AK5: variants seen among roughly 807,000 people sequenced by gnomAD.
AK5 encodes the protein adenylate kinase 5, also known as adenylate kinase isoenzyme 5.
In AK5, 27 loss-of-function variants were observed where a neutral mutation model predicts 69.5. The ratio of observed to expected loss-of-function variants is 0.39; its 90% confidence interval spans 0.29 to 0.54. AK5 has a LOEUF of 0.54. Among genes scored for constraint, AK5 ranks in the 20% least tolerant of loss-of-function variants. AK5 has a pLI of 0.71. For missense variants in AK5, 531 were observed against 700.4 expected (o/e 0.76, Z 2.73); for synonymous variants, 260 against 244.4 (o/e 1.06, Z -0.60).
At chr1:77,440,930 G>A (rs1652286266) in intron 8 of AK5, among the ~76,000 whole-genome samples, 1 of 152,090 alleles carries the variant, frequency 6.6e-6, no homozygotes, top group African/African-American at 2.4e-5. Flanking sequence ...TGTATTTTTA[G>A]TAGAGACGGG....
chr1:77,445,040 G>T (rs560356740), intron 8 of AK5, among the ~76,000 whole-genome samples: 6 of 152,158 alleles, frequency 3.9e-5, no homozygotes, highest in African/African-American at 1.4e-4. Flanking sequence ...TATTCTATTG[G>T]TATATCTAGA....
At chr1:77,470,875 ATT>A (rs149758544) in intron 8 of AK5, among the ~76,000 whole-genome samples, 11 of 74,966 alleles carry the variant, frequency 1.5e-4, no homozygotes, top group African/African-American at 4.0e-4. Context: ...ATATATATAT[ATT>A]TTTTTTTTTT....
chr1:77,302,516 A>C (rs1170855657), intron 5 of AK5, among the ~76,000 whole-genome samples: 1 of 152,158 alleles, frequency 6.6e-6, no homozygotes, highest in Non-Finnish European at 1.5e-5. Flanking sequence ...AATTAGCTTC[A>C]GGCCATCTAA....
intron 10 of AK5, among the ~76,000 whole-genome samples, chr1:77,489,910 C>T (rs1251573140): frequency 6.6e-6 from 1 of 152,128 alleles, no homozygotes; most frequent in East Asian, 1.9e-4. Flanking sequence ...TTTGCCAGCC[C>T]TTTCACTTGA....
intron 1 of AK5, chr1:77,283,542 A>C: frequency 1.0e-5 from 10 of 985,398 alleles, no homozygotes; most frequent in Non-Finnish European, 1.2e-5. Flanking sequence ...GGTTGCCATA[A>C]TTACAGGTCT....
intron 13 of AK5, among the ~76,000 whole-genome samples, chr1:77,550,724 C>T (rs115893544): frequency 1.4e-3 from 207 of 152,318 alleles, no homozygotes; most frequent in African/African-American, 4.8e-3. Context: ...CACTTATTCT[C>T]TTAAAATACT....
At position 77,367,551 on chromosome 1, in the gene AK5, T is replaced by TTTTATATATATATATATA. The variant is rs1553139653; in HGVS notation, c.891+26984_891+26985insTTATATATATATATATAT. ...CCTATGTTGCCCAGACTCATTTATGTTATTTTTATATATATATATATATAT... is the reference window on the plus strand; with the variant it reads ...CCTATGTTGCCCAGACTCATTTATGTTTTATATATATATATATATATTTTTATATATATATATATATAT... On this transcript the variant is annotated intron_variant, in intron 6 of 13. Transcript: ENST00000354567. Among the ~76,000 whole-genome samples the TTTTATATATATATATATA allele has an allele frequency of 4.6e-4, 9 of 19,706 alleles. 1 individual carries two copies. The highest frequency in any genetic ancestry group is 1.6e-3 in the Admixed American group (2 of 1,262). 12.9% of individuals were successfully genotyped at this position (19,706 alleles called of 152,430 possible).
At chr1:77,515,783 G>A (rs1657611162) in intron 10 of AK5, among the ~76,000 whole-genome samples, 1 of 152,186 alleles carries the variant, frequency 6.6e-6, no homozygotes, top group South Asian at 2.1e-4. Flanking sequence ...GGGCACAGTG[G>A]CTCAGGCCTG....
chr1:77,554,572 T>C (rs1659978112), intron 13 of AK5, among the ~76,000 whole-genome samples: 1 of 152,074 alleles, frequency 6.6e-6, no homozygotes, highest in Admixed American at 6.5e-5. Context: ...CTTCAACCTT[T>C]CTGCAGTTTT....
intron 3 of AK5, 70 bp downstream of exon 3, chr1:77,294,030 G>A: frequency 6.3e-6 from 9 of 1,435,770 alleles, no homozygotes; most frequent in Non-Finnish European, 8.5e-6. Flanking sequence ...TTTCAAAAAA[G>A]TAAATCATAT....
chr1:77,349,115 ATAT>A (rs948246873), intron 6 of AK5, among the ~76,000 whole-genome samples: 4 of 152,192 alleles, frequency 2.6e-5, no homozygotes, highest in African/African-American at 9.6e-5. Context: ...ATACAACAAA[ATAT>A]TATGAATAGA....
chr1:77,475,347 TACA>T (rs1654798440), intron 8 of AK5, among the ~76,000 whole-genome samples: 1 of 127,278 alleles, frequency 7.9e-6, no homozygotes, highest in African/African-American at 3.0e-5. Context: ...TGTATATATA[TACA>T]TATATATTAT....
chr1:77,355,246 T>C (rs1377978457), intron 6 of AK5, among the ~76,000 whole-genome samples: 1 of 152,238 alleles, frequency 6.6e-6, no homozygotes, highest in African/African-American at 2.4e-5. Context: ...TGCAGCGTAC[T>C]TGTGATTGCT....
At chr1:77,436,438 T>C (rs1242530859) in intron 8 of AK5, among the ~76,000 whole-genome samples, 1 of 151,750 alleles carries the variant, frequency 6.6e-6, no homozygotes, top group African/African-American at 2.4e-5. Context: ...ATTTTATATA[T>C]AAGAATGATT....
chr1:77,309,142 A>G (rs962396418), intron 5 of AK5, among the ~76,000 whole-genome samples: 4 of 151,984 alleles, frequency 2.6e-5, no homozygotes, highest in African/African-American at 9.7e-5. Context: ...CTTAATACCT[A>G]GGTGATGAGT....
intron 6 of AK5, among the ~76,000 whole-genome samples, chr1:77,355,460 CCT>C (rs2100422344): frequency 6.6e-6 from 1 of 152,204 alleles, no homozygotes; most frequent in South Asian, 2.1e-4. Flanking sequence ...CTCAAATTTT[CCT>C]CTGTTACTTG....
At chr1:77,510,586 A>G (rs554926058) in intron 10 of AK5, among the ~76,000 whole-genome samples, 2 of 152,302 alleles carry the variant, frequency 1.3e-5, no homozygotes, top group African/African-American at 4.8e-5. Flanking sequence ...TGGTAGAAAT[A>G]TTTTCATTTG....
chr1:77,343,307 G>T (rs890849002), intron 6 of AK5, among the ~76,000 whole-genome samples: 15 of 152,132 alleles, frequency 9.9e-5, no homozygotes, highest in African/African-American at 3.4e-4. Flanking sequence ...GTCCAGTTGA[G>T]AAACTTCATG....
intron 13 of AK5, among the ~76,000 whole-genome samples, chr1:77,540,032 G>T (rs1659184013): frequency 6.6e-6 from 1 of 152,166 alleles, no homozygotes. Flanking sequence ...CCGCCCTCAG[G>T]CCTCTACCCA....
Sources: gnomAD v4.1 joint callset for allele counts (sites outside exome capture counted in the v4.1 genomes callset) on GRCh38, gnomAD v4.1.1 for gene constraint, MANE v1.5 for transcripts, NCBI Gene and HGNC (gene_info 2026-07-23, HGNC 2026-07-21) for gene names.